PDE1C: variants seen among roughly 807,000 people sequenced by gnomAD.
PDE1C encodes phosphodiesterase 1C.
A neutral mutation model predicts 93.1 loss-of-function variants in PDE1C; 62 were observed. The observed-to-expected ratio is 0.67, with a 90% CI of 0.54 to 0.82. The LOEUF (loss-of-function observed/expected upper bound fraction) is 0.82. PDE1C is among the 40% of genes least tolerant of loss of function. The probability of loss-of-function intolerance (pLI) is 0.00; values close to 1 mark genes in which losing one functional copy is unlikely to be tolerated. For missense variants in PDE1C, 742 were observed against 884.6 expected (o/e 0.84, Z 2.04); for synonymous variants, 325 against 310.1 (o/e 1.05, Z -0.50).
intron 17 of PDE1C, among the ~76,000 whole-genome samples, chr7:31,764,738 G>C (rs946479221): frequency 3.9e-5 from 6 of 152,134 alleles, no homozygotes; most frequent in African/African-American, 1.4e-4. Context: ...ACTCAATCCT[G>C]CCTATCAGCT....
Position 32,223,459 on chromosome 7 carries a change from C to T in PDE1C, c.86-13920G>A, listed in dbSNP as rs537408194. ...CATATAGCAAGTAAATGGCCCTATC[C>T]AGGGCCTCACTGAATCACTGCCACT... On this transcript the variant is annotated intron_variant, in intron 1 of 18. Transcript: ENST00000396193. 9.8e-4 allele frequency among the ~76,000 whole-genome samples: 150 copies of T among 152,294 alleles called. 1 individual carries two copies. The highest frequency in any genetic ancestry group is 2.8e-3 in the Admixed American group (43 of 15,300).
chr7:32,191,103 C>G (rs1390650812), intron 2 of PDE1C, among the ~76,000 whole-genome samples: 1 of 152,144 alleles, frequency 6.6e-6, no homozygotes, highest in Non-Finnish European at 1.5e-5. Flanking sequence ...AGGGCTTTGA[C>G]TTTATTCTGC....
chr7:32,247,535 C>T (rs1232112184), intron 1 of PDE1C, among the ~76,000 whole-genome samples: 1 of 152,238 alleles, frequency 6.6e-6, no homozygotes, highest in Non-Finnish European at 1.5e-5. Flanking sequence ...TGAGTAGAGA[C>T]AGTCCCCAAC....
intron 1 of PDE1C, among the ~76,000 whole-genome samples, chr7:32,065,953 G>A (rs1458280623): frequency 6.6e-6 from 1 of 152,182 alleles, no homozygotes; most frequent in Admixed American, 6.5e-5. Context: ...TACAGGAACT[G>A]GGACCTCCAG....
In PDE1C at chr7:32,281,459, C is replaced by A. The variant is rs1042985346; in HGVS notation, c.85+17192G>T. 3.3e-5 allele frequency among the ~76,000 whole-genome samples: 5 copies of A among 152,118 alleles called. No homozygotes were observed. The East Asian group carries it at 9.6e-4, about 29-fold the overall frequency. On this transcript the variant is annotated intron_variant, in intron 1 of 18. Coordinates refer to the PDE1C transcript ENST00000396193. ...GTCAGGCCAGGTATGGTGGTTCACA[C>A]CTGTAATCCCAGGGCTTTGAGAGGC... is the stretch of plus-strand genomic sequence containing the variant.
chr7:31,920,561 A>T (rs967079730), intron 2 of PDE1C, among the ~76,000 whole-genome samples: 1 of 142,326 alleles, frequency 7.0e-6, no homozygotes, highest in Non-Finnish European at 1.5e-5. Flanking sequence ...TCTTTTTTTT[A>T]TCACCATTTT....
chr7:32,079,495 T>C (rs1246844051), intron 3 of PDE1C, among the ~76,000 whole-genome samples: 1 of 152,222 alleles, frequency 6.6e-6, no homozygotes, highest in Admixed American at 6.5e-5. Context: ...TTTTTCTCTC[T>C]CATGATCCTG....
intron 17 of PDE1C, among the ~76,000 whole-genome samples, chr7:31,754,366 C>A (rs938273465): frequency 1.3e-5 from 2 of 152,214 alleles, no homozygotes; most frequent in Non-Finnish European, 2.9e-5. Flanking sequence ...CCATGCAATG[C>A]AGCAATTGTG....
rs1327876558 is a variant in PDE1C, at chr7:32,019,152, A to T, written c.128+32402T>A. Among the ~76,000 whole-genome samples the T allele has an allele frequency of 4.6e-4, 65 of 140,360 alleles. 1 individual carries two copies. Among genetic ancestry groups the T allele is most frequent in the Admixed American group, 4.9e-4 (7 of 14,144 alleles). 92.1% of individuals were successfully genotyped at this position (140,360 alleles called of 152,430 possible). On this transcript the variant is annotated intron_variant, in intron 2 of 17. Coordinates refer to ENST00000396191, the MANE Select transcript of PDE1C (RefSeq NM_001191057.4). ...CCACAAGACACATTATGTTGTTTTA[A>T]AAAAAAAAAAAAAAAAAAAGCAAAC... is the stretch of plus-strand genomic sequence containing the variant.
upstream of PDE1C, chr7:32,071,181 C>T (rs996733187): frequency 9.1e-6 from 9 of 985,356 alleles, no homozygotes; most frequent in South Asian, 4.7e-5. Context: ...ACCTGCGGAG[C>T]TGCGTGGGCT....
At chr7:31,826,821 G>T (rs1417850678) in intron 12 of PDE1C, among the ~76,000 whole-genome samples, 3 of 152,068 alleles carry the variant, frequency 2.0e-5, no homozygotes, top group Non-Finnish European at 4.4e-5. Context: ...CTAAAAACAG[G>T]GTAGGCAAAC....
At chr7:31,762,248 C>T (rs1271954752) in intron 17 of PDE1C, among the ~76,000 whole-genome samples, 1 of 152,158 alleles carries the variant, frequency 6.6e-6, no homozygotes, top group Non-Finnish European at 1.5e-5. Context: ...GTGCCATGTG[C>T]GTTAGATGTA....
intron 2 of PDE1C, among the ~76,000 whole-genome samples, chr7:31,971,846 G>A (rs1319192123): frequency 2.0e-5 from 3 of 152,176 alleles, no homozygotes; most frequent in Admixed American, 2.0e-4. Context: ...CTCTCTCATA[G>A]CTCCTTTACC....
intron 1 of PDE1C, among the ~76,000 whole-genome samples, chr7:32,353,766 G>C (rs973783517): frequency 6.6e-6 from 1 of 152,040 alleles, no homozygotes; most frequent in African/African-American, 2.4e-5. Flanking sequence ...TTTATGAAAT[G>C]ATATAGAAGA....
At chr7:32,317,124 C>T (rs866997703) in intron 1 of PDE1C, among the ~76,000 whole-genome samples, 1 of 136,316 alleles carries the variant, frequency 7.3e-6, no homozygotes, top group African/African-American at 3.8e-5. Context: ...GCCAGGAATG[C>T]AAGACCACAT....
chr7:32,037,079 C>G (rs1445018818), intron 2 of PDE1C, among the ~76,000 whole-genome samples: 1 of 152,130 alleles, frequency 6.6e-6, no homozygotes, highest in East Asian at 1.9e-4. Flanking sequence ...CTTACAAAAG[C>G]TGAGAAAATT....
intron 1 of PDE1C, among the ~76,000 whole-genome samples, chr7:32,405,836 T>C (rs1297006256): frequency 6.6e-6 from 1 of 152,168 alleles, no homozygotes; most frequent in Non-Finnish European, 1.5e-5. Context: ...ATTCTAGGAA[T>C]GTGTAAGAAG....
chr7:31,994,847 C>T (rs1047917838), intron 2 of PDE1C, among the ~76,000 whole-genome samples: 5 of 152,168 alleles, frequency 3.3e-5, no homozygotes, highest in African/African-American at 1.2e-4. Context: ...ACCACTCTTA[C>T]CTGGCTTGTA....
chr7:32,416,043 C>T (rs1785270752), intron 1 of PDE1C, among the ~76,000 whole-genome samples: 1 of 152,190 alleles, frequency 6.6e-6, no homozygotes, highest in South Asian at 2.1e-4. Context: ...CTCCCTGATG[C>T]CAGCACACGC....
Sources: gnomAD v4.1 joint callset for allele counts (sites outside exome capture counted in the v4.1 genomes callset) on GRCh38, gnomAD v4.1.1 for gene constraint, MANE v1.5 for transcripts, NCBI Gene and HGNC (gene_info 2026-07-23, HGNC 2026-07-21) for gene names.